DPP6: variants seen among roughly 807,000 people sequenced by gnomAD.
The protein encoded by DPP6 is dipeptidyl peptidase like 6.
A neutral mutation model predicts 122.6 loss-of-function variants in DPP6; 69 were observed. The observed-to-expected ratio is 0.56, with a 90% confidence interval of 0.46 to 0.69. DPP6 has a LOEUF of 0.69. Among genes scored for constraint, DPP6 ranks in the 30% least tolerant of loss-of-function variants. DPP6 has a pLI of 0.00. For synonymous variants in DPP6, 418 were observed against 433.1 expected (o/e 0.97, Z 0.43); for missense variants, 928 against 1,116.9 (o/e 0.83, Z 2.41).
upstream of DPP6, chr7:153,887,056 C>T (rs1220383755): frequency 6.6e-6 from 1 of 152,460 alleles, no homozygotes; most frequent in Admixed American, 6.5e-5. Flanking sequence ...AGTTTGCGCT[C>T]GCTTAACCTT....
intron 1 of DPP6, among the ~76,000 whole-genome samples, chr7:154,232,059 T>C (rs1800951312): frequency 6.6e-6 from 1 of 152,236 alleles, no homozygotes; most frequent in African/African-American, 2.4e-5. Context: ...GGACAAATGC[T>C]TACCTTTGGG....
At chr7:154,870,752 C>G (rs181303466) in intron 18 of DPP6, among the ~76,000 whole-genome samples, 1 of 152,158 alleles carries the variant, frequency 6.6e-6, no homozygotes, top group Non-Finnish European at 1.5e-5. Context: ...CACTTGAGGT[C>G]AGGAGTTCAA....
intron 1 of DPP6, among the ~76,000 whole-genome samples, chr7:154,360,033 G>C (rs1811599019): frequency 6.6e-6 from 1 of 152,180 alleles, no homozygotes; most frequent in Non-Finnish European, 1.5e-5. Context: ...GCTTGGCTTT[G>C]AGATGTAAGA....
At chr7:154,659,461 T>C (rs2873108) in intron 6 of DPP6, among the ~76,000 whole-genome samples, 2 of 152,148 alleles carry the variant, frequency 1.3e-5, no homozygotes, top group Non-Finnish European at 2.9e-5. Flanking sequence ...TCAAATTATT[T>C]ACCAGTTTAT....
rs1319887762 is a variant in DPP6 at position 154,282,158 on chromosome 7, C to G, written c.244-164056C>G. ...ACAGTGCCTGGCATGTTCTAACCAT[C>G]TATAATTTTATTCTTTTTTCCCCTC... is the stretch of plus-strand genomic sequence containing the variant. On this transcript the variant is annotated intron_variant, in intron 1 of 25. Coordinates refer to ENST00000377770, the MANE Select transcript of DPP6 (RefSeq NM_130797.4). The surrounding 1 kb of genome is among the most constrained non-coding windows in gnomAD (Gnocchi z 4.8). Among the ~76,000 whole-genome samples, 1 of 152,090 alleles carries G rather than the reference C, an allele frequency of 6.6e-6. No individual in the cohort carries two copies. Among genetic ancestry groups the G allele is most frequent in the East Asian group, 1.9e-4 (1 of 5,178 alleles).
At chr7:154,063,285 G>C (rs528006750) in intron 1 of DPP6, among the ~76,000 whole-genome samples, 1 of 128,430 alleles carries the variant, frequency 7.8e-6, no homozygotes, top group African/African-American at 2.9e-5. Flanking sequence ...GCAGAGGGGG[G>C]AGGGACCCCC....
chr7:154,329,006 T>G (rs1306385026), intron 1 of DPP6, among the ~76,000 whole-genome samples: 1 of 152,216 alleles, frequency 6.6e-6, no homozygotes, highest in Non-Finnish European at 1.5e-5. Context: ...GGGTTTTCCA[T>G]CTTTCTAACA....
chr7:153,839,943 A>G, the DPP6 span, among the ~76,000 whole-genome samples: 6 of 152,230 alleles, frequency 3.9e-5, no homozygotes, highest in African/African-American at 1.4e-4. Flanking sequence ...GAAGAATTCT[A>G]CATTGACAAA....
chr7:154,415,202 G>A, intron 1 of DPP6, among the ~76,000 whole-genome samples: 1 of 152,124 alleles, frequency 6.6e-6, no homozygotes. Context: ...GGTGGTACAT[G>A]TTATATTCAC....
chr7:154,181,836 G>A (rs1266826508), intron 1 of DPP6, among the ~76,000 whole-genome samples: 3 of 146,932 alleles, frequency 2.0e-5, no homozygotes, highest in Admixed American at 7.0e-5. Context: ...TGAAACCTCC[G>A]CCTCCCTGTT....
the DPP6 span, among the ~76,000 whole-genome samples, chr7:153,841,501 C>A: frequency 5.9e-5 from 9 of 152,166 alleles, no homozygotes; most frequent in Non-Finnish European, 1.2e-4. Context: ...GAATTAAATT[C>A]TCTAAACACA....
the DPP6 span, among the ~76,000 whole-genome samples, chr7:153,858,970 A>T: frequency 6.6e-6 from 1 of 152,072 alleles, no homozygotes; most frequent in South Asian, 2.1e-4. Flanking sequence ...GAAATCCATA[A>T]CTCTATAAAT....
chr7:154,013,741 T>C (rs1383537441), intron 1 of DPP6, among the ~76,000 whole-genome samples: 3 of 152,134 alleles, frequency 2.0e-5, no homozygotes, highest in Non-Finnish European at 4.4e-5. Flanking sequence ...CTGTCTTGAT[T>C]GGCATGGAAC....
chr7:153,778,667 C>T, the DPP6 span, among the ~76,000 whole-genome samples: 1 of 151,896 alleles, frequency 6.6e-6, no homozygotes, highest in Non-Finnish European at 1.5e-5. Flanking sequence ...TTACCAATCC[C>T]CTCCCCTCAC....
At chr7:153,750,868 G>GA in the DPP6 span, among the ~76,000 whole-genome samples, 86 of 152,014 alleles carry the variant, frequency 5.7e-4, 1 homozygote, top group East Asian at 0.014. Context: ...TAGCTAGAAG[G>GA]AAAAAAAATA....
chr7:154,111,612 C>T (rs1806580896), intron 1 of DPP6, among the ~76,000 whole-genome samples: 1 of 140,096 alleles, frequency 7.1e-6, no homozygotes. Flanking sequence ...TGAAAACAGG[C>T]AGGGTTTCGT....
At chr7:154,495,626 G>C (rs559465099) in intron 3 of DPP6, among the ~76,000 whole-genome samples, 8 of 152,246 alleles carry the variant, frequency 5.3e-5, no homozygotes, top group Admixed American at 1.3e-4. Context: ...CTGACCTCAA[G>C]TGATCCATCC....
intron 1 of DPP6, among the ~76,000 whole-genome samples, chr7:153,981,432 G>A (rs186868014): frequency 2.6e-5 from 4 of 152,224 alleles, no homozygotes; most frequent in Admixed American, 6.5e-5. Context: ...AAGCCTATGT[G>A]TGTCTCTGCA....
At position 154,540,516 on chromosome 7, in the gene DPP6, A is replaced by G. The variant is rs368364176; in HGVS notation, c.458-16A>G. The G allele has an allele frequency of 3.9e-6, 6 of 1,531,458 alleles. No homozygotes were observed. The highest frequency in any genetic ancestry group is 3.4e-5 in the South Asian group (3 of 87,436). The allele number at this position is 1,531,458 out of a possible 1,614,324, so 94.9% of individuals were successfully genotyped here. The stretch of plus-strand genomic sequence containing the variant: ...TTGATGTTTCATGTGGTTTTTTTCT[A>G]CTTCCTCTCTTACAGATACAGAATT... On this transcript the variant is annotated splice_polypyrimidine_tract_variant and intron_variant, in intron 3 of 25. Transcript: ENST00000377770.
Sources: allele counts gnomAD v4.1 joint callset (sites outside exome capture counted in the v4.1 genomes callset), GRCh38; gene constraint gnomAD v4.1.1; non-coding constraint Gnocchi (gnomAD v3.1); transcripts MANE v1.5; gene names NCBI Gene and HGNC (gene_info 2026-07-23, HGNC 2026-07-21).